The following SLC30A3 variants were observed in gnomAD, a reference collection of about 807,000 sequenced individuals.
SLC30A3 encodes solute carrier family 30 member 3.
Under a neutral mutation model 35.6 loss-of-function variants are expected in SLC30A3, and 20 were observed. That is an observed-to-expected ratio of 0.56 (90% CI 0.39 to 0.82). The LOEUF is 0.82. SLC30A3 is among the 40% of genes least tolerant of loss of function. SLC30A3 has a pLI of 0.00. For missense variants in SLC30A3, 401 were observed against 530.6 expected (o/e 0.76, Z 2.40); for synonymous variants, 217 against 224.7 (o/e 0.97, Z 0.31).
rs200300561 is a variant in SLC30A3, at chr2:27,262,767, T to A, written c.95+45A>T. 3.5e-5 allele frequency: 52 copies of A among 1,471,668 alleles called. No individual in the cohort carries two copies. 91.2% of individuals were successfully genotyped at this position (1,471,668 alleles called of 1,614,324 possible). ...AGACAACGAAATGGACGGAGGGTAG[T>A]AGGGTGGCGCCCCCGGGCCGAGGGC... On this transcript the variant is annotated intron_variant, in intron 1 of 7. Transcript: ENST00000233535. The surrounding 1 kb of genome is among the most constrained non-coding windows in gnomAD (Gnocchi z 7.5).
rs756177507 is a variant in SLC30A3 at position 27,262,954 on chromosome 2, C to T, written c.-48G>A. ...AGGCCCCACCGAGGAAGAGAGAGGC[C>T]GGGCCGGCCCCGCGCCAAGTCCGAG... On this transcript the variant is annotated 5_prime_UTR_variant, in exon 1 of 8. Transcript: ENST00000233535. The surrounding 1 kb of genome is among the most constrained non-coding windows in gnomAD (Gnocchi z 7.5). 3 of 1,467,872 alleles carry T rather than the reference C, an allele frequency of 2.0e-6. No homozygotes were observed. The highest frequency in any genetic ancestry group is 3.1e-5 in the Admixed American group (1 of 32,308). The allele number at this position is 1,467,872 out of a possible 1,614,324, so 90.9% of individuals were successfully genotyped here.
chr2:27,267,008 G>A (rs1168181922), upstream of SLC30A3, among the ~76,000 whole-genome samples: 5 of 152,108 alleles, frequency 3.3e-5, no homozygotes, highest in African/African-American at 1.2e-4. Flanking sequence ...CTTATTGTCT[G>A]GTAGGCAGGC....
At chr2:27,261,528 TCATCAAGGTGGCCACC>T (rs975528045) in intron 1 of SLC30A3, among the ~76,000 whole-genome samples, 3 of 152,082 alleles carry the variant, frequency 2.0e-5, no homozygotes, top group African/African-American at 7.2e-5. Flanking sequence ...GCACAGCCAG[TCATCAAGGTGGCCACC>T]CATCAACAGG....
Position 27,258,181 on chromosome 2 carries a change from G to A in SLC30A3, c.404C>T (p.Thr135Ile), listed in dbSNP as rs1676979430. The A allele has an allele frequency of 1.3e-6, 2 of 1,597,532 alleles. No individual in the cohort carries two copies. The highest frequency in any genetic ancestry group is 1.7e-6 in the Non-Finnish European group (2 of 1,170,114). The change falls in exon 3 of 8, where the codon ACC becomes ATC. Residue 135 changes from threonine to isoleucine, a missense_variant. Physicochemically the swap from Thr to Ile is moderately conservative, Grantham distance 89. Transcript: ENST00000233535. This position sits in a 1 kb window ranked among gnomAD's most constrained non-coding sequence, Gnocchi z 4.0. ...CTTACCTGAACGGTGCCAGCCAAAG[G>A]TCATGGTGCGGGTGGCTGGACGGGT... is the stretch of plus-strand genomic sequence containing the variant. ...LSTRPATRTM[T>I]FGWHRSETLG...
intron 5 of SLC30A3, 82 bp from the exon 6 acceptor site, chr2:27,256,975 TGA>T: frequency 8.5e-7 from 1 of 1,173,286 alleles, no homozygotes; most frequent in Non-Finnish European, 1.2e-6. Flanking sequence ...AAACATGACC[TGA>T]GAGGCCCCTC....
At position 27,262,838 on chromosome 2, in the gene SLC30A3, G is replaced by A. The variant is rs1007600655; in HGVS notation, c.69C>T (p.Gly23=). 14 of 1,565,968 alleles carry A rather than the reference G, an allele frequency of 8.9e-6. No homozygotes were observed. The highest frequency in any genetic ancestry group is 1.2e-5 in the South Asian group (1 of 86,048). ...TCTTCAAACGCAGGCTGCCTCCGGC[G>A]CCACCGCGGTCCCGGGGGCTCACCA... The part of the protein sequence containing the change: ...TRLVSPRDRG[G]AGGSLRLKSL... Residue 23 remains glycine, a synonymous_variant, in exon 1 of 8, where the codon GGC becomes GGT. Transcript: ENST00000233535. This position sits in a 1 kb window ranked among gnomAD's most constrained non-coding sequence, Gnocchi z 7.5.
At position 27,262,502 on chromosome 2, in the gene SLC30A3, G is replaced by A. The variant is rs1677253512; in HGVS notation, c.95+310C>T. 6.6e-6 allele frequency among the ~76,000 whole-genome samples: 1 copy of A among 151,976 alleles called. No individual in the cohort carries two copies. Among genetic ancestry groups the A allele is most frequent in the Non-Finnish European group, 1.5e-5 (1 of 67,952 alleles). On this transcript the variant is annotated intron_variant, in intron 1 of 7. Transcript: ENST00000233535. This position sits in a 1 kb window ranked among gnomAD's most constrained non-coding sequence, Gnocchi z 7.5. ...CGGGCGAGGGCTCCGGCCCGACCGAGCGGCAGCTGCTCCCAGGGAAGGCAG... is the reference window on the plus strand; with the variant it reads ...CGGGCGAGGGCTCCGGCCCGACCGAACGGCAGCTGCTCCCAGGGAAGGCAG...
rs755775522 is a variant in SLC30A3 at position 27,258,154 on chromosome 2, G to T, written c.424+7C>A. On this transcript the variant is annotated splice_region_variant and intron_variant, in intron 3 of 7. Transcript: ENST00000233535. This position sits in a 1 kb window ranked among gnomAD's most constrained non-coding sequence, Gnocchi z 4.0. The stretch of plus-strand genomic sequence containing the variant: ...TGGAGAGTCACTGGGCCATGCAGGG[G>T]CCTTACCTGAACGGTGCCAGCCAAA... 4 of 1,598,796 alleles carry T rather than the reference G, an allele frequency of 2.5e-6. No homozygotes were observed. Among genetic ancestry groups the T allele is most frequent in the Non-Finnish European group, 3.4e-6 (4 of 1,169,906 alleles).
chr2:27,262,699 A>C lies in SLC30A3; in HGVS notation c.95+113T>G. 1 of 1,024,302 alleles carries C rather than the reference A, an allele frequency of 9.8e-7. No individual in the cohort carries two copies. The highest frequency in any genetic ancestry group is 1.4e-6 in the Non-Finnish European group (1 of 740,588). 63.5% of individuals were successfully genotyped at this position (1,024,302 alleles called of 1,614,324 possible). ...GAAGCGGGGTGCAGCGGAGCGAGGG[A>C]CCCGCGGTGCGCTGGGGCGGCCGCC... On this transcript the variant is annotated intron_variant, in intron 1 of 7. Coordinates refer to ENST00000233535, the MANE Select transcript of SLC30A3 (RefSeq NM_003459.5). The surrounding 1 kb of genome is among the most constrained non-coding windows in gnomAD (Gnocchi z 7.5).
At chr2:27,264,558 T>C (rs1677400834), upstream of SLC30A3, among the ~76,000 whole-genome samples, 1 of 152,170 alleles carries the variant, frequency 6.6e-6, no homozygotes, top group African/African-American at 2.4e-5. The surrounding 1 kb of genome is among the most constrained non-coding windows in gnomAD (Gnocchi z 6.1). Context: ...GCGCCGCTGC[T>C]GCAGAGCGGC....
rs963661174 is a variant in SLC30A3 at position 27,258,157 on chromosome 2, T to C, written c.424+4A>G. 6.3e-7 allele frequency: 1 copy of C among 1,596,266 alleles called. No individual in the cohort carries two copies. Among genetic ancestry groups the C allele is most frequent in the African/African-American group, 1.3e-5 (1 of 74,566 alleles). On this transcript the variant is annotated splice_donor_region_variant and intron_variant, in intron 3 of 7. Coordinates refer to ENST00000233535, the MANE Select transcript of SLC30A3 (RefSeq NM_003459.5). This position sits in a 1 kb window ranked among gnomAD's most constrained non-coding sequence, Gnocchi z 4.0. ...AGAGTCACTGGGCCATGCAGGGGCC[T>C]TACCTGAACGGTGCCAGCCAAAGGT...
rs371039560 is a variant in SLC30A3 at position 27,254,759 on chromosome 2, A to AACACACAC, written c.*545_*552dup. ...GAGACACACAGGCCACAGCACCAAG[A>AACACACAC]ACACACACACACACACACACACACA... On this transcript the variant is annotated 3_prime_UTR_variant, in exon 8 of 8. Coordinates refer to ENST00000233535, the MANE Select transcript of SLC30A3 (RefSeq NM_003459.5). 78 of 176,324 alleles carry AACACACAC rather than the reference A, an allele frequency of 4.4e-4. No homozygotes were observed. Among genetic ancestry groups the AACACACAC allele is most frequent in the East Asian group, 7.1e-4 (4 of 5,600 alleles). 10.9% of individuals were successfully genotyped at this position (176,324 alleles called of 1,614,324 possible).
At chr2:27,268,263 G>A (rs535925030) in intron 1 of SLC30A3, among the ~76,000 whole-genome samples, 22 of 152,284 alleles carry the variant, frequency 1.4e-4, no homozygotes, top group Non-Finnish European at 2.8e-4. Flanking sequence ...TAATCTATGA[G>A]GGAAGAAAAA....
chr2:27,255,206 A>T lies in SLC30A3; in HGVS notation c.*106T>A. 2 of 1,603,376 alleles carry T rather than the reference A, an allele frequency of 1.2e-6. No homozygotes were observed. Among genetic ancestry groups the T allele is most frequent in the Non-Finnish European group, 1.7e-6 (2 of 1,178,044 alleles). On this transcript the variant is annotated 3_prime_UTR_variant, in exon 8 of 8. Coordinates refer to ENST00000233535, the MANE Select transcript of SLC30A3 (RefSeq NM_003459.5). The surrounding 1 kb of genome is among the most constrained non-coding windows in gnomAD (Gnocchi z 5.2). ...GGCAGGTGGTAGGAGGGAGAGAGGA[A>T]GGGGTATGGACCTGGCTCGGTCCCG...
chr2:27,257,800 G>T lies in SLC30A3; in HGVS notation c.578+105C>A. 8.7e-7 allele frequency: 1 copy of T among 1,151,836 alleles called. No individual in the cohort carries two copies. Among genetic ancestry groups the T allele is most frequent in the Non-Finnish European group, 1.3e-6 (1 of 799,512 alleles). The allele number at this position is 1,151,836 out of a possible 1,614,324, so 71.4% of individuals were successfully genotyped here. Reference sequence around the variant, plus strand: ...GGGCAGCCCATGGAGAGCTGTGTGTGCGTGTCTGTGTGTCTGGTGGGGAGG... The same window carrying T: ...GGGCAGCCCATGGAGAGCTGTGTGTTCGTGTCTGTGTGTCTGGTGGGGAGG... On this transcript the variant is annotated intron_variant, in intron 4 of 7. Transcript: ENST00000233535. The surrounding 1 kb of genome is among the most constrained non-coding windows in gnomAD (Gnocchi z 4.7).
chr2:27,254,934 C>T lies in SLC30A3; in HGVS notation c.*378G>A, dbSNP rs1006415660. On this transcript the variant is annotated 3_prime_UTR_variant, in exon 8 of 8. Coordinates refer to ENST00000233535, the MANE Select transcript of SLC30A3 (RefSeq NM_003459.5). ...CATAGGCACACCAACAGCACATAGA[C>T]AGGCAGATGCCCCCAGCCAGCCAGC... is the stretch of plus-strand genomic sequence containing the variant. 4 of 581,730 alleles carry T rather than the reference C, an allele frequency of 6.9e-6. No homozygotes were observed. Among genetic ancestry groups the T allele is most frequent in the Non-Finnish European group, 1.0e-5 (4 of 386,358 alleles). 36.0% of individuals were successfully genotyped at this position (581,730 alleles called of 1,614,324 possible). A position where few individuals can be genotyped will look rare whatever the true frequency, so the allele number is the denominator to read the frequency against.
chr2:27,263,222 G>T, upstream of SLC30A3: 1 of 593,902 alleles, frequency 1.7e-6, no homozygotes, highest in Non-Finnish European at 2.3e-6. Flanking sequence ...CCCGCCACCC[G>T]AGTTCTGGAG....
chr2:27,258,424 G>T lies in SLC30A3; in HGVS notation c.278-117C>A. The T allele has an allele frequency of 1.0e-6, 1 of 956,990 alleles. No homozygotes were observed. The highest frequency in any genetic ancestry group is 1.5e-6 in the Non-Finnish European group (1 of 661,092). 59.3% of individuals were successfully genotyped at this position (956,990 alleles called of 1,614,324 possible). A position where few individuals can be genotyped will look rare whatever the true frequency, so the allele number is the denominator to read the frequency against. ...AAAATGTGATTTGGGGTTTTCTCAGGTGATGGGACTACAGGTATAATTAAC... is the reference window on the plus strand; with the variant it reads ...AAAATGTGATTTGGGGTTTTCTCAGTTGATGGGACTACAGGTATAATTAAC... On this transcript the variant is annotated intron_variant, in intron 2 of 7. Transcript: ENST00000233535. The surrounding 1 kb of genome is among the most constrained non-coding windows in gnomAD (Gnocchi z 4.0).
rs1676867306 is a variant in SLC30A3, at chr2:27,256,576, C to T, written c.884-56G>A. The T allele has an allele frequency of 2.5e-6, 4 of 1,606,996 alleles. No homozygotes were observed. In the South Asian group the frequency reaches 4.4e-5, roughly 18 times the overall value. ...TAGGGCTACTCCTGCCCAGAAGCAG[C>T]ACCCCCACCACTGGATTCCACCTCC... On this transcript the variant is annotated intron_variant, in intron 6 of 7. Transcript: ENST00000233535.
Sources: gnomAD v4.1 joint callset for allele counts (sites outside exome capture counted in the v4.1 genomes callset) on GRCh38, gnomAD v4.1.1 for gene constraint, Gnocchi (gnomAD v3.1) non-coding constraint, MANE v1.5 for transcripts, NCBI Gene and HGNC (gene_info 2026-07-23, HGNC 2026-07-21) for gene names.